The following NIPBL variants were observed in gnomAD, a reference collection of about 807,000 sequenced individuals.
The protein encoded by NIPBL is NIPBL cohesin loading factor.
In NIPBL, 19 loss-of-function variants were observed where a neutral mutation model predicts 321.8. That is an observed-to-expected ratio of 0.06 (90% CI 0.04 to 0.09). NIPBL has a LOEUF of 0.09. NIPBL is among the 10% of genes least tolerant of loss of function. NIPBL has a pLI of 1.00. For missense variants in NIPBL, 2,210 were observed against 3,327.0 expected (o/e 0.66, Z 8.26); for synonymous variants, 1,106 against 1,114.1 (o/e 0.99, Z 0.14).
At chr5:36,915,838 A>G (rs1400583491) in intron 1 of NIPBL, among the ~76,000 whole-genome samples, 1 of 152,170 alleles carries the variant, frequency 6.6e-6, no homozygotes, top group Non-Finnish European at 1.5e-5. Context: ...AAGTGATGCC[A>G]ACTGAACATA....
At chr5:36,948,903 AAC>A (rs1384096845) in intron 1 of NIPBL, among the ~76,000 whole-genome samples, 1 of 151,914 alleles carries the variant, frequency 6.6e-6, no homozygotes, top group Non-Finnish European at 1.5e-5. Flanking sequence ...TATACTGACT[AAC>A]AGTCTTTTAA....
At chr5:37,026,939 A>T (rs1750348189) in intron 31 of NIPBL, among the ~76,000 whole-genome samples, 2 of 151,988 alleles carry the variant, frequency 1.3e-5, no homozygotes, top group Non-Finnish European at 2.9e-5. Flanking sequence ...AAAGAAAGAA[A>T]AATTCTGTAT....
chr5:37,024,883 G>T (rs865802856), intron 30 of NIPBL, among the ~76,000 whole-genome samples, 164 bp downstream of exon 30: 11 of 151,532 alleles, frequency 7.3e-5, no homozygotes, highest in South Asian at 6.2e-4. Flanking sequence ...TTTGTTTCTA[G>T]ATTTTTATAT....
chr5:36,921,100 C>A lies in NIPBL; in HGVS notation c.-79-32518C>A, dbSNP rs532336849. On this transcript the variant is annotated intron_variant, in intron 1 of 46. Coordinates refer to ENST00000282516, the MANE Select transcript of NIPBL (RefSeq NM_133433.4). ...CTAGTTTTCTTAGCTAATTTTTAAGCGTCTCCCCATTCCTCCAGATCCACC... is the reference window on the plus strand; with the variant it reads ...CTAGTTTTCTTAGCTAATTTTTAAGAGTCTCCCCATTCCTCCAGATCCACC... Among the ~76,000 whole-genome samples the A allele has an allele frequency of 2.0e-5, 3 of 151,814 alleles. No individual in the cohort carries two copies. The South Asian group carries it at 6.3e-4, about 32-fold the overall frequency.
chr5:37,014,069 G>A (rs986724037), intron 21 of NIPBL, among the ~76,000 whole-genome samples: 7 of 152,268 alleles, frequency 4.6e-5, no homozygotes, highest in South Asian at 2.1e-4. Context: ...CCAGTCAGGC[G>A]TGGCGGTGCG....
chr5:36,972,974 C>T (rs760427439), intron 8 of NIPBL, among the ~76,000 whole-genome samples: 29 of 152,104 alleles, frequency 1.9e-4, no homozygotes, highest in African/African-American at 2.4e-4. Flanking sequence ...TTTATGCACA[C>T]GAATTTCAGT....
intron 1 of NIPBL, among the ~76,000 whole-genome samples, chr5:36,878,717 A>G (rs1405834390): frequency 6.6e-6 from 1 of 152,182 alleles, no homozygotes. Context: ...AAACGTACGG[A>G]TAAATGTTTA....
chr5:36,919,480 T>G (rs574899864), intron 1 of NIPBL, among the ~76,000 whole-genome samples: 64 of 152,138 alleles, frequency 4.2e-4, no homozygotes, highest in Non-Finnish European at 7.8e-4. Flanking sequence ...ACTACCGGCA[T>G]GTACCACTGC....
intron 1 of NIPBL, among the ~76,000 whole-genome samples, chr5:36,931,491 T>C (rs1446952648): frequency 6.6e-6 from 1 of 152,084 alleles, no homozygotes; most frequent in African/African-American, 2.4e-5. Context: ...CTAATTTTTG[T>C]ATTTTCTATA....
chr5:36,965,704 A>G (rs1324744469), intron 6 of NIPBL, among the ~76,000 whole-genome samples: 1 of 152,262 alleles, frequency 6.6e-6, no homozygotes, highest in African/African-American at 2.4e-5. Flanking sequence ...GACAAATATT[A>G]AGGTGGTGGA....
At chr5:36,984,601 C>G (rs1320514359) in intron 9 of NIPBL, 75 bp from the exon 10 acceptor site, 1 of 1,339,640 alleles carries the variant, frequency 7.5e-7, no homozygotes, top group Non-Finnish European at 1.0e-6. Flanking sequence ...AAAAGATAAA[C>G]AACGTCCATA....
intron 1 of NIPBL, among the ~76,000 whole-genome samples, chr5:36,889,486 T>C (rs181408286): frequency 9.6e-4 from 146 of 152,152 alleles, no homozygotes; most frequent in Admixed American, 9.5e-3. Context: ...CAATTACTCA[T>C]GTTTCTTAGT....
chr5:36,881,284 G>T (rs1250464927), intron 1 of NIPBL, among the ~76,000 whole-genome samples: 1 of 149,006 alleles, frequency 6.7e-6, no homozygotes, highest in Non-Finnish European at 1.5e-5. Context: ...TTAGGTATTT[G>T]TCTTGTGTGT....
rs959904156 is a variant in NIPBL, at chr5:36,971,104, A to G, written c.771+68A>G. 5.2e-6 allele frequency: 7 copies of G among 1,347,018 alleles called. No homozygotes were observed. In the East Asian group the frequency reaches 1.7e-4, roughly 33 times the overall value. 83.4% of individuals were successfully genotyped at this position (1,347,018 alleles called of 1,614,324 possible). A position where few individuals can be genotyped will look rare whatever the true frequency, so the allele number is the denominator to read the frequency against. ...ATTTGTCATATAACCTAGTATTTCC[A>G]TTTCAAAATTTGAATGATACCTACC... is the stretch of plus-strand genomic sequence containing the variant. On this transcript the variant is annotated intron_variant, in intron 7 of 46. Transcript: ENST00000282516.
Position 36,985,831 on chromosome 5 carries a change from G to A in NIPBL, c.2651G>A (p.Gly884Glu), listed in dbSNP as rs1448134785. ...SGDSRERPSS[G>E]EQKSRPDSPR... The stretch of plus-strand genomic sequence containing the variant: ...GACTCAAGGGAAAGACCATCTTCTG[G>A]GGAACAAAAATCAAGACCTGACAGT... Residue 884 changes from glycine to glutamate, a missense_variant, in exon 10 of 47, where the codon GGG (glycine) becomes GAG (glutamate). Coordinates refer to ENST00000282516, the MANE Select transcript of NIPBL (RefSeq NM_133433.4). 3.7e-6 allele frequency: 6 copies of A among 1,613,658 alleles called. No individual in the cohort carries two copies. Among genetic ancestry groups the A allele is most frequent in the Non-Finnish European group, 5.1e-6 (6 of 1,179,922 alleles).
At chr5:36,885,634 T>C (rs1745836945) in intron 1 of NIPBL, 2 of 540,670 alleles carry the variant, frequency 3.7e-6, no homozygotes, top group Admixed American at 2.0e-5. Context: ...TTGCAAATAC[T>C]GTGGACAATG....
At chr5:36,991,006 T>A (rs1427474178) in intron 10 of NIPBL, among the ~76,000 whole-genome samples, 2 of 151,690 alleles carry the variant, frequency 1.3e-5, no homozygotes, top group African/African-American at 4.8e-5. Flanking sequence ...AAAAAAAAAA[T>A]TTAATGAAAC....
chr5:36,907,528 A>G (rs915753140), intron 1 of NIPBL, among the ~76,000 whole-genome samples: 4 of 152,192 alleles, frequency 2.6e-5, no homozygotes, highest in African/African-American at 9.6e-5. Context: ...CGGGAGTATT[A>G]TATGCATTTT....
chr5:37,009,688 G>A (rs777433975), intron 20 of NIPBL, among the ~76,000 whole-genome samples: 1 of 152,168 alleles, frequency 6.6e-6, no homozygotes, highest in African/African-American at 2.4e-5. Context: ...ATCAAGAGCT[G>A]TGTAGCAGAT....
Sources: gnomAD v4.1 joint callset for allele counts (sites outside exome capture counted in the v4.1 genomes callset) on GRCh38, gnomAD v4.1.1 for gene constraint, MANE v1.5 for transcripts, NCBI Gene and HGNC (gene_info 2026-07-23, HGNC 2026-07-21) for gene names.